ACOT9: variants seen among roughly 807,000 people sequenced by gnomAD.
ACOT9 encodes the protein acyl-coenzyme A thioesterase 9, mitochondrial.
In ACOT9, 34 loss-of-function variants were observed where a neutral mutation model predicts 39.7. That is an observed-to-expected ratio of 0.86 (90% confidence interval 0.65 to 1.14). ACOT9 has a LOEUF of 1.14. Ranked by LOEUF, ACOT9 falls within the 50% of genes most tolerant of loss-of-function variation. The pLI, the probability that ACOT9 is intolerant of heterozygous loss-of-function variation, is 0.00. For synonymous variants in ACOT9, 110 were observed against 120.5 expected, an observed-to-expected ratio of 0.91 and a Z score of 0.57; for missense variants, 313 against 344.1, an observed-to-expected ratio of 0.91 and a Z score of 0.71.
At chrX:23,738,040 T>G (rs1229358488) in intron 1 of ACOT9, among the ~76,000 whole-genome samples, 1 of 106,224 alleles carries the variant, frequency 9.4e-6, no homozygotes, top group African/African-American at 3.4e-5. Context: ...GCTAATTTTT[T>G]GTATTTTTAG....
intron 10 of ACOT9, 59 bp downstream of exon 10, chrX:23,707,818 T>C: frequency 1.1e-6 from 1 of 877,668 alleles, no homozygotes. Flanking sequence ...AAATAATCTC[T>C]TCTGCAGCGT....
chrX:23,706,206 T>C (rs1395260831), intron 11 of ACOT9, among the ~76,000 whole-genome samples: 1 of 104,453 alleles, frequency 9.6e-6, no homozygotes, highest in African/African-American at 3.5e-5. Context: ...GCAGAGGTTG[T>C]AGTGAGCCAA....
rs773552226 is a variant in ACOT9, at chrX:23,722,534, G to A, written c.484+136C>T. 150 of 405,250 alleles carry A rather than the reference G, an allele frequency of 3.7e-4. 1 individual carries two copies. In the East Asian group the frequency reaches 5.2e-3, roughly 14 times the overall value. 33.4% of individuals were successfully genotyped at this position (405,250 alleles called of 1,213,427 possible). ...AGCCAAGATCGTGCCATTACACTCC[G>A]GCCTGGGTGACAAGAGCAAAACTCC... On this transcript the variant is annotated intron_variant, in intron 7 of 15. Coordinates refer to ENST00000379303, the MANE Select transcript of ACOT9 (RefSeq NM_001037171.2).
chrX:23,713,547 TAA>T (rs1299622641), intron 8 of ACOT9, among the ~76,000 whole-genome samples: 4 of 60,626 alleles, frequency 6.6e-5, no homozygotes, highest in Non-Finnish European at 3.2e-5. Flanking sequence ...GGCCCCTGTC[TAA>T]AAAAAAAAAA....
chrX:23,730,841 A>G lies in ACOT9; in HGVS notation c.337T>C (p.Tyr113His). 1.7e-6 allele frequency: 2 copies of G among 1,209,203 alleles called. No homozygotes were observed. The highest frequency in any genetic ancestry group is 2.2e-6 in the Non-Finnish European group (2 of 894,284). ...LGSEPELREKYLTVQNTVRFG... is the reference protein window; with the variant it reads ...LGSEPELREKHLTVQNTVRFG... ...CTTACGGTGTTTTGAACAGTCAAAT[A>G]TTTCTCTCGTAATTCAGGCTCACTG... The change falls in exon 5 of 16, where the codon TAT (tyrosine) becomes CAT (histidine). Residue 113 changes from tyrosine (Y) to histidine (H), a missense_variant. Transcript: ENST00000379303.
At chrX:23,734,785 A>C (rs1378418448) in intron 2 of ACOT9, among the ~76,000 whole-genome samples, 3 of 109,651 alleles carry the variant, frequency 2.7e-5, no homozygotes, top group African/African-American at 6.6e-5. Flanking sequence ...CAGGAGTTCA[A>C]GACCAGCCTG....
chrX:23,725,498 T>A (rs1191484425), intron 6 of ACOT9, among the ~76,000 whole-genome samples: 3 of 91,744 alleles, frequency 3.3e-5, no homozygotes, highest in African/African-American at 1.3e-4. Context: ...AAGATAAAGA[T>A]GGTAAATTTT....
rs953092132 is a variant in ACOT9, at chrX:23,705,426, C to A, written c.1019+83G>T. On this transcript the variant is annotated intron_variant, in intron 13 of 15. Coordinates refer to ENST00000379303, the MANE Select transcript of ACOT9 (RefSeq NM_001037171.2). ...AAACATAACATATTCCCACACACAC[C>A]CAGACTGGTCCGAAATGTTTCATTT... is the stretch of plus-strand genomic sequence containing the variant. 4 of 767,072 alleles carry A rather than the reference C, an allele frequency of 5.2e-6. No individual in the cohort carries two copies. In the African/African-American group the frequency reaches 6.4e-5, roughly 12 times the overall value. The allele number at this position is 767,072 out of a possible 1,213,427, so 63.2% of individuals were successfully genotyped here.
chrX:23,730,088 T>C (rs1036294166), intron 6 of ACOT9, among the ~76,000 whole-genome samples: 1 of 84,807 alleles, frequency 1.2e-5, no homozygotes, highest in African/African-American at 4.9e-5. Flanking sequence ...AAGTAGTAGA[T>C]GCCATTTTTT....
Position 23,706,654 on chromosome X carries a change from C to T in ACOT9, c.816G>A (p.Glu272=), listed in dbSNP as rs745310560. The T allele has an allele frequency of 4.3e-6, 5 of 1,171,490 alleles. No homozygotes were observed. In the Admixed American group the frequency reaches 1.1e-4, roughly 27 times the overall value. ...PSAEERTTIH[E]MFLSTLDPKT... ...TTGGATCCAGTGTGCTGAGAAACAT[C>T]TCATGTATGGTGGTCCTCTCCTCAG... Residue 272 remains glutamate (E), a synonymous_variant, in exon 11 of 16, where the codon GAG becomes GAA. Coordinates refer to ENST00000379303, the MANE Select transcript of ACOT9 (RefSeq NM_001037171.2).
At chrX:23,704,962 A>G (rs779105973) in intron 14 of ACOT9, 31 bp downstream of exon 14, 2 of 1,185,342 alleles carry the variant, frequency 1.7e-6, no homozygotes, top group Non-Finnish European at 2.3e-6. Context: ...GAAAAAAAAA[A>G]GTTGTATGTC....
chrX:23,719,432 C>T (rs1304846081), intron 8 of ACOT9, among the ~76,000 whole-genome samples: 1 of 111,611 alleles, frequency 9.0e-6, no homozygotes, highest in Non-Finnish European at 1.9e-5. Flanking sequence ...GTTTATTTCA[C>T]CAAAAGGTGA....
intron 8 of ACOT9, among the ~76,000 whole-genome samples, chrX:23,718,087 CA>C (rs111428160): frequency 1.3e-3 from 127 of 95,804 alleles, no homozygotes; most frequent in African/African-American, 3.9e-3. Context: ...GACCCTGTCT[CA>C]AAAAAAAAAA....
rs747223778 is a variant in ACOT9 at position 23,721,871 on chromosome X, G to A, written c.588+10C>T. On this transcript the variant is annotated intron_variant, in intron 8 of 15. Coordinates refer to ENST00000379303, the MANE Select transcript of ACOT9 (RefSeq NM_001037171.2). ...CTTAAACAGTGGACAATCTTCAGGC[G>A]CATATTTACCTGGAACATTTGCATC... 16 of 1,185,420 alleles carry A rather than the reference G, an allele frequency of 1.3e-5. No individual in the cohort carries two copies. Among genetic ancestry groups the A allele is most frequent in the African/African-American group, 5.3e-5 (3 of 56,638 alleles).
chrX:23,714,449 A>G (rs1311246254), intron 8 of ACOT9, among the ~76,000 whole-genome samples: 1 of 111,647 alleles, frequency 9.0e-6, no homozygotes, highest in African/African-American at 3.2e-5. Flanking sequence ...CACTGACATG[A>G]CACTCAAGGA....
At chrX:23,733,068 C>G (rs1048706118) in intron 4 of ACOT9, 104 bp downstream of exon 4, 12 of 764,061 alleles carry the variant, frequency 1.6e-5, no homozygotes, top group Non-Finnish European at 1.9e-5. Context: ...TATCTCTGAA[C>G]ATAGGGCTCC....
chrX:23,711,702 T>C (rs1928901306), intron 9 of ACOT9, among the ~76,000 whole-genome samples: 1 of 111,722 alleles, frequency 9.0e-6, no homozygotes, highest in Non-Finnish European at 1.9e-5. Flanking sequence ...CTGTAGATTG[T>C]TGCTGATCAG....
chrX:23,720,212 T>G (rs1424830691), intron 8 of ACOT9, among the ~76,000 whole-genome samples: 1 of 112,580 alleles, frequency 8.9e-6, no homozygotes, highest in African/African-American at 3.2e-5. Flanking sequence ...TTATCCTCTT[T>G]GAGGTACTTT....
rs113756433 is a variant in ACOT9 at position 23,709,570 on chromosome X, C to T, written c.663-1626G>A. Among the ~76,000 whole-genome samples, 915 of 111,599 alleles carry T rather than the reference C, an allele frequency of 8.2e-3. 7 individuals carry two copies. Among genetic ancestry groups the T allele is most frequent in the Non-Finnish European group, 0.012 (653 of 53,064 alleles). On this transcript the variant is annotated intron_variant, in intron 9 of 15. Transcript: ENST00000379303. ...CCAGAGTAGATGGGTGTTATTCTTC[C>T]CTCAGATCACTAAGGGACCAACATA...
Sources: allele counts gnomAD v4.1 joint callset (sites outside exome capture counted in the v4.1 genomes callset), GRCh38; gene constraint gnomAD v4.1.1; transcripts MANE v1.5; gene names NCBI Gene and HGNC (gene_info 2026-07-23, HGNC 2026-07-21).